NOL4L: variants seen among roughly 807,000 people sequenced by gnomAD.
The protein encoded by NOL4L is nucleolar protein 4-like.
NOL4L carries 7 observed loss-of-function variants against 64.5 expected under a neutral mutation model. That is an observed-to-expected ratio of 0.11 (90% CI 0.06 to 0.20). The LOEUF (loss-of-function observed/expected upper bound fraction) is 0.20, where lower values mean the gene tolerates loss of function less well. Among genes scored for constraint, NOL4L ranks in the 10% least tolerant of loss-of-function variants. The probability of loss-of-function intolerance (pLI) is 1.00; values close to 1 mark genes in which losing one functional copy is unlikely to be tolerated. For missense variants in NOL4L, 680 were observed against 967.1 expected, an observed-to-expected ratio of 0.70 and a Z score of 3.94; for synonymous variants, 413 against 401.0, an observed-to-expected ratio of 1.03 and a Z score of -0.36.
At chr20:32,535,155 G>A (rs1458566261) in intron 1 of NOL4L, among the ~76,000 whole-genome samples, 1 of 151,954 alleles carries the variant, frequency 6.6e-6, no homozygotes, top group Non-Finnish European at 1.5e-5. Context: ...CCCAAGAGAA[G>A]CTGTCATAAT....
intron 1 of NOL4L, among the ~76,000 whole-genome samples, chr20:32,568,271 A>G (rs139061540): frequency 5.5e-4 from 84 of 152,300 alleles, no homozygotes; most frequent in South Asian, 1.0e-3. Context: ...ATGGGTCTCA[A>G]CAGTGCACCC....
chr20:32,497,620 C>T (rs1316593373), intron 4 of NOL4L, among the ~76,000 whole-genome samples: 1 of 152,128 alleles, frequency 6.6e-6, no homozygotes, highest in Non-Finnish European at 1.5e-5. Context: ...ATCACGAATC[C>T]CTTCTGGGTC....
intron 4 of NOL4L, among the ~76,000 whole-genome samples, chr20:32,492,645 G>A (rs984973747): frequency 2.0e-5 from 3 of 152,224 alleles, no homozygotes; most frequent in African/African-American, 7.2e-5. Flanking sequence ...GGAGCTCGCT[G>A]TAGTCGATTA....
chr20:32,477,745 G>A (rs1394688752), intron 4 of NOL4L, among the ~76,000 whole-genome samples: 6 of 152,160 alleles, frequency 3.9e-5, no homozygotes, highest in African/African-American at 9.7e-5. Flanking sequence ...CCCTCCTGCC[G>A]CTGCCAGCCA....
chr20:32,541,304 G>A (rs2018651376), intron 1 of NOL4L, among the ~76,000 whole-genome samples: 1 of 152,198 alleles, frequency 6.6e-6, no homozygotes, highest in African/African-American at 2.4e-5. Flanking sequence ...GACAGAGTCT[G>A]GAACTGAATG....
At chr20:32,576,528 A>T (rs911378432) in intron 1 of NOL4L, among the ~76,000 whole-genome samples, 8 of 152,072 alleles carry the variant, frequency 5.3e-5, no homozygotes, top group Non-Finnish European at 1.2e-4. Context: ...AGTGGCTCAC[A>T]CTCAGCTCTG....
Position 32,475,731 on chromosome 20 carries a change from C to T in NOL4L, c.700-989G>A, listed in dbSNP as rs2015350767. Among the ~76,000 whole-genome samples, 2 of 152,342 alleles carry T rather than the reference C, an allele frequency of 1.3e-5. 1 individual carries two copies. Among genetic ancestry groups the T allele is most frequent in the South Asian group, 4.1e-4 (2 of 4,832 alleles). On this transcript the variant is annotated intron_variant, in intron 4 of 10. Transcript: ENST00000621426. ...AGACACAATGGCCTCTGTGGGCCCC[C>T]AGTGAGGACCTCTGACAGAGCACCC...
intron 1 of NOL4L, among the ~76,000 whole-genome samples, chr20:32,576,274 G>C (rs1380583002): frequency 1.3e-5 from 2 of 152,142 alleles, no homozygotes; most frequent in Non-Finnish European, 2.9e-5. Context: ...GGGAGAGGCA[G>C]CCACCTCTCC....
rs936196890 is a variant in NOL4L at position 32,535,656 on chromosome 20, C to A, written c.322-7743G>T. 4.1e-6 allele frequency: 4 copies of A among 985,298 alleles called. No individual in the cohort carries two copies. The African/African-American group carries it at 7.0e-5, about 17-fold the overall frequency. The allele number at this position is 985,298 out of a possible 1,614,324, so 61.0% of individuals were successfully genotyped here. ...AGGTGCCTGGGACCAGCCCCTCAAA[C>A]AACGGCGCTACATTTGAGGATGTCA... On this transcript the variant is annotated intron_variant, in intron 1 of 10. Transcript: ENST00000621426.
intron 3 of NOL4L, among the ~76,000 whole-genome samples, chr20:32,516,014 G>A (rs1295421419): frequency 6.6e-6 from 1 of 152,206 alleles, no homozygotes; most frequent in Non-Finnish European, 1.5e-5. Context: ...GGGCGCCAAT[G>A]GCACTCATCA....
At chr20:32,476,596 T>C (rs2015416093) in intron 4 of NOL4L, among the ~76,000 whole-genome samples, 1 of 152,224 alleles carries the variant, frequency 6.6e-6, no homozygotes, top group Admixed American at 6.5e-5. Flanking sequence ...CAGTTGAAAG[T>C]GCCACCTACT....
At chr20:32,448,024 A>G (rs1482821469) in intron 10 of NOL4L, among the ~76,000 whole-genome samples, 4 of 152,160 alleles carry the variant, frequency 2.6e-5, no homozygotes, top group African/African-American at 9.7e-5. Flanking sequence ...GAGAATCCTC[A>G]GGGTGATCTT....
At chr20:32,456,018 TG>T in intron 6 of NOL4L, 99 bp downstream of exon 6, 2 of 1,299,608 alleles carry the variant, frequency 1.5e-6, no homozygotes, top group Non-Finnish European at 1.0e-6. Flanking sequence ...GTCACACACA[TG>T]GGCTGGCTCC....
At chr20:32,455,621 G>C (rs542530915) in intron 6 of NOL4L, among the ~76,000 whole-genome samples, 60 of 152,274 alleles carry the variant, frequency 3.9e-4, no homozygotes, top group Non-Finnish European at 7.4e-5. Flanking sequence ...GTAGGGGTAC[G>C]TACTGTGCCC....
chr20:32,472,907 G>A (rs2015122507), intron 5 of NOL4L, among the ~76,000 whole-genome samples: 1 of 152,140 alleles, frequency 6.6e-6, no homozygotes. Context: ...GGCTCTTGGG[G>A]ACCTACAGAC....
intron 5 of NOL4L, among the ~76,000 whole-genome samples, chr20:32,473,153 G>A (rs936778121): frequency 1.3e-5 from 2 of 152,160 alleles, no homozygotes; most frequent in South Asian, 2.1e-4. Context: ...TGAGTAGGGG[G>A]ACCATGGTCC....
intron 2 of NOL4L, among the ~76,000 whole-genome samples, chr20:32,521,913 G>A (rs962479103): frequency 5.9e-5 from 9 of 152,254 alleles, no homozygotes; most frequent in South Asian, 2.1e-4. Flanking sequence ...CAAGCGTTCC[G>A]CTGTCCTCGC....
At chr20:32,455,063 C>A (rs1314671934) in intron 6 of NOL4L, among the ~76,000 whole-genome samples, 2 of 152,238 alleles carry the variant, frequency 1.3e-5, no homozygotes, top group Non-Finnish European at 2.9e-5. Context: ...GGCCGTGTGG[C>A]CCCAGGCAAG....
At chr20:32,514,460 C>G (rs1386581065) in intron 3 of NOL4L, among the ~76,000 whole-genome samples, 3 of 151,904 alleles carry the variant, frequency 2.0e-5, no homozygotes, top group Admixed American at 2.0e-4. Context: ...TCATTGCACT[C>G]CAGCCTGGTG....
Sources: allele counts gnomAD v4.1 joint callset (sites outside exome capture counted in the v4.1 genomes callset), GRCh38; gene constraint gnomAD v4.1.1; transcripts MANE v1.5; gene names NCBI Gene and HGNC (gene_info 2026-07-23, HGNC 2026-07-21).